FGD4: variants seen among roughly 807,000 people sequenced by gnomAD.
FGD4 encodes the protein FYVE, RhoGEF and PH domain-containing protein 4.
Under a neutral mutation model 102.0 loss-of-function variants are expected in FGD4, and 42 were observed. The ratio of observed to expected loss-of-function variants is 0.41; its 90% CI spans 0.32 to 0.53. The LOEUF is 0.53. FGD4 is among the 20% of genes least tolerant of loss of function. The pLI, the probability that FGD4 is intolerant of heterozygous loss-of-function variation, is 0.21. For missense variants in FGD4, 902 were observed against 1,078.2 expected (o/e 0.84, Z 2.29); for synonymous variants, 380 against 375.7 (o/e 1.01, Z -0.13).
At chr12:32,481,595 G>A (rs1943767879) in intron 1 of FGD4, among the ~76,000 whole-genome samples, 1 of 152,186 alleles carries the variant, frequency 6.6e-6, no homozygotes, top group South Asian at 2.1e-4. Flanking sequence ...AGCTGAGGCG[G>A]GTGGATCAGG....
At chr12:32,486,717 T>A (rs1375696459) in intron 1 of FGD4, among the ~76,000 whole-genome samples, 1 of 152,232 alleles carries the variant, frequency 6.6e-6, no homozygotes, top group African/African-American at 2.4e-5. Context: ...TCTGATTTAT[T>A]GGGATCTGAA....
At chr12:32,403,417 C>T (rs911188479) in intron 1 of FGD4, among the ~76,000 whole-genome samples, 2 of 152,046 alleles carry the variant, frequency 1.3e-5, no homozygotes, top group Non-Finnish European at 2.9e-5. Flanking sequence ...TTAATTTCTA[C>T]GTTTCTTCAT....
At chr12:32,449,820 C>A (rs1024523924) in intron 1 of FGD4, among the ~76,000 whole-genome samples, 2 of 152,138 alleles carry the variant, frequency 1.3e-5, no homozygotes, top group African/African-American at 4.8e-5. Context: ...TTACTTCCTG[C>A]CTTGACCTCC....
At position 32,501,520 on chromosome 12, in the gene FGD4, A is replaced by C. The variant is rs182887297; in HGVS notation, c.167-62617A>C. ...TAAAATTAAGATATTTTAATCCTGT[A>C]ACTGGGTAAGACTCTAGATGAAAAT... On this transcript the variant is annotated intron_variant, in intron 1 of 16. Transcript: ENST00000534526. Among the ~76,000 whole-genome samples, 5 of 152,344 alleles carry C rather than the reference A, an allele frequency of 3.3e-5. No homozygotes were observed. In the East Asian group the frequency reaches 9.6e-4, roughly 29 times the overall value.
Position 32,645,051 on chromosome 12 carries a change from C to T in FGD4, c.*4518C>T, listed in dbSNP as rs994819808. 2.6e-5 allele frequency: 4 copies of T among 152,140 alleles called. No homozygotes were observed. In the South Asian group the frequency reaches 8.3e-4, roughly 32 times the overall value. The allele number at this position is 152,140 out of a possible 1,614,324, so 9.4% of individuals were successfully genotyped here. A position where few individuals can be genotyped will look rare whatever the true frequency, so the allele number is the denominator to read the frequency against. ...CACCGGGAGTTATATGATGGTCAAC[C>T]CCTTTTCCCAAAATTCATTGTGGTA... On this transcript the variant is annotated 3_prime_UTR_variant, in exon 17 of 17. Coordinates refer to ENST00000534526, the MANE Select transcript of FGD4 (RefSeq NM_001370298.3).
At chr12:32,468,850 G>A (rs995181340) in intron 1 of FGD4, among the ~76,000 whole-genome samples, 2 of 152,040 alleles carry the variant, frequency 1.3e-5, no homozygotes, top group Non-Finnish European at 1.5e-5. Context: ...TTTTTGAGAC[G>A]GAGTCTCACT....
At position 32,640,703 on chromosome 12, in the gene FGD4, CAG is replaced by C. The variant is rs2137096692; in HGVS notation, c.*173_*174del. ...ATGTACTCTTAGTGAAATTAGTGTGCAGAGTCATTCTACCGATAAAGTTTTGA... is the reference window on the plus strand; with the variant it reads ...ATGTACTCTTAGTGAAATTAGTGTGCAGTCATTCTACCGATAAAGTTTTGA... On this transcript the variant is annotated 3_prime_UTR_variant, in exon 17 of 17. Coordinates refer to ENST00000534526, the MANE Select transcript of FGD4 (RefSeq NM_001370298.3). 1 of 893,714 alleles carries C rather than the reference CAG, an allele frequency of 1.1e-6. No homozygotes were observed. The highest frequency in any genetic ancestry group is 1.7e-5 in the South Asian group (1 of 60,498). 55.4% of individuals were successfully genotyped at this position (893,714 alleles called of 1,614,324 possible). A position where few individuals can be genotyped will look rare whatever the true frequency, so the allele number is the denominator to read the frequency against.
chr12:32,635,224 A>C (rs74073029), intron 15 of FGD4, among the ~76,000 whole-genome samples: 3,821 of 152,278 alleles, frequency 0.025, 176 homozygotes, highest in African/African-American at 0.088. Flanking sequence ...TCAGGCAGTA[A>C]GGATGGAAAG....
At position 32,645,458 on chromosome 12, in the gene FGD4, A is replaced by T. The variant is rs886049276; in HGVS notation, c.*4925A>T. The stretch of plus-strand genomic sequence containing the variant: ...GGAGTTTGAGACCAGCCTGGCCAAC[A>T]TGGTGAAACCCTGTCTCTACTAAAT... On this transcript the variant is annotated 3_prime_UTR_variant, in exon 17 of 17. Coordinates refer to ENST00000534526, the MANE Select transcript of FGD4 (RefSeq NM_001370298.3). The T allele has an allele frequency of 3.3e-5, 5 of 152,236 alleles. No individual in the cohort carries two copies. The highest frequency in any genetic ancestry group is 1.2e-4 in the African/African-American group (5 of 41,448). The allele number at this position is 152,236 out of a possible 1,614,324, so 9.4% of individuals were successfully genotyped here. A position where few individuals can be genotyped will look rare whatever the true frequency, so the allele number is the denominator to read the frequency against.
chr12:32,399,977 C>CG lies in FGD4; in HGVS notation c.166+23dup. On this transcript the variant is annotated intron_variant, in intron 1 of 16. Coordinates refer to ENST00000534526, the MANE Select transcript of FGD4 (RefSeq NM_001370298.3). ...AGCCACAGGTAAGCGCCTCGGGGCGCGGGGGAAGGGTGGCCCCGGCGCGTA... is the reference window on the plus strand; with the variant it reads ...AGCCACAGGTAAGCGCCTCGGGGCGCGGGGGGAAGGGTGGCCCCGGCGCGTA... 1 of 1,444,204 alleles carries CG rather than the reference C, an allele frequency of 6.9e-7. No homozygotes were observed. The highest frequency in any genetic ancestry group is 9.0e-7 in the Non-Finnish European group (1 of 1,105,038). 89.5% of individuals were successfully genotyped at this position (1,444,204 alleles called of 1,614,324 possible). A position where few individuals can be genotyped will look rare whatever the true frequency, so the allele number is the denominator to read the frequency against.
At chr12:32,618,843 A>G (rs955122565) in intron 10 of FGD4, among the ~76,000 whole-genome samples, 33 of 152,296 alleles carry the variant, frequency 2.2e-4, no homozygotes, top group African/African-American at 4.6e-4. Flanking sequence ...GTGTGTTTCT[A>G]TAGTCCCACC....
intron 1 of FGD4, among the ~76,000 whole-genome samples, chr12:32,418,733 C>T (rs980753590): frequency 2.0e-5 from 3 of 152,270 alleles, no homozygotes; most frequent in Admixed American, 2.0e-4. Flanking sequence ...TAAGTTTACT[C>T]CAGGCCCTAG....
At chr12:32,555,869 C>T (rs751552446) in intron 1 of FGD4, among the ~76,000 whole-genome samples, 4 of 151,988 alleles carry the variant, frequency 2.6e-5, no homozygotes, top group Admixed American at 1.3e-4. Context: ...TGCGCCCAGC[C>T]GAGACAAGGT....
chr12:32,507,135 TG>T (rs1938848349), intron 1 of FGD4, among the ~76,000 whole-genome samples: 1 of 141,428 alleles, frequency 7.1e-6, no homozygotes, highest in African/African-American at 2.6e-5. Flanking sequence ...TGTGTCCATG[TG>T]TTCTCATTGT....
chr12:32,532,346 A>T (rs554373530), intron 1 of FGD4, among the ~76,000 whole-genome samples: 9 of 152,172 alleles, frequency 5.9e-5, no homozygotes, highest in Admixed American at 5.9e-4. Context: ...TACAACAGTG[A>T]ATTTAATATC....
At chr12:32,510,132 TC>T (rs1346619549) in intron 1 of FGD4, among the ~76,000 whole-genome samples, 1 of 152,194 alleles carries the variant, frequency 6.6e-6, no homozygotes, top group Non-Finnish European at 1.5e-5. Flanking sequence ...ATTTTAGAAA[TC>T]TACCACTAGT....
intron 1 of FGD4, among the ~76,000 whole-genome samples, chr12:32,519,666 G>A (rs1056871170): frequency 2.6e-5 from 4 of 151,976 alleles, no homozygotes; most frequent in African/African-American, 7.3e-5. Context: ...AGCTGGGCAC[G>A]GTGGCTCACT....
At chr12:32,561,070 G>GTTTTTT (rs1267043755) in intron 1 of FGD4, among the ~76,000 whole-genome samples, 6,062 of 89,976 alleles carry the variant, frequency 0.067, 1,188 homozygotes, top group South Asian at 0.092. Flanking sequence ...TCTTTGTTGG[G>GTTTTTT]TTTTGTTTTT....
chr12:32,444,945 A>G (rs1942568839), intron 1 of FGD4, among the ~76,000 whole-genome samples: 1 of 152,226 alleles, frequency 6.6e-6, no homozygotes, highest in Non-Finnish European at 1.5e-5. Flanking sequence ...TGTTTGACTT[A>G]TTAGAATATC....
Sources: allele counts gnomAD v4.1 joint callset (sites outside exome capture counted in the v4.1 genomes callset), GRCh38; gene constraint gnomAD v4.1.1; transcripts MANE v1.5; gene names NCBI Gene and HGNC (gene_info 2026-07-23, HGNC 2026-07-21).